The following ZDHHC7 variants were observed in gnomAD, a reference collection of about 807,000 sequenced individuals.
ZDHHC7 encodes palmitoyltransferase ZDHHC7.
In ZDHHC7, 12 loss-of-function variants were observed where a neutral mutation model predicts 34.1. The observed-to-expected ratio is 0.35, with a 90% CI of 0.23 to 0.57. The LOEUF (loss-of-function observed/expected upper bound fraction) is 0.57, where lower values mean the gene tolerates loss of function less well. ZDHHC7 is among the 20% of genes least tolerant of loss of function. ZDHHC7 has a pLI of 0.84. For missense variants in ZDHHC7, 388 were observed against 402.7 expected, an observed-to-expected ratio of 0.96 and a Z score of 0.31; for synonymous variants, 185 against 155.4, an observed-to-expected ratio of 1.19 and a Z score of -1.42.
chr16:84,977,281 T>C, intron 6 of ZDHHC7, 56 bp from the exon 7 acceptor site: 1 of 1,598,546 alleles, frequency 6.3e-7, no homozygotes, highest in Non-Finnish European at 8.5e-7. Flanking sequence ...AGTGGCAGAA[T>C]GTTTGGCTCA....
intron 2 of ZDHHC7, 24 bp downstream of exon 2, chr16:84,995,898 G>C (rs757128197): frequency 6.6e-6 from 1 of 152,168 alleles, no homozygotes; most frequent in Non-Finnish European, 1.5e-5. Flanking sequence ...ACAGTGATTG[G>C]ACCCTAAATA....
At chr16:85,021,745 G>A in the ZDHHC7 span, among the ~76,000 whole-genome samples, 1 of 150,710 alleles carries the variant, frequency 6.6e-6, no homozygotes, top group Non-Finnish European at 1.5e-5. Flanking sequence ...GAGAGAAAGA[G>A]AACAAGAGAG....
chr16:85,003,276 G>A (rs1203428660), intron 1 of ZDHHC7, among the ~76,000 whole-genome samples: 2 of 152,160 alleles, frequency 1.3e-5, no homozygotes, highest in Non-Finnish European at 2.9e-5. Context: ...TGTAAGATCC[G>A]GAGGCAGTGG....
the ZDHHC7 span, among the ~76,000 whole-genome samples, chr16:85,025,215 T>C: frequency 7.1e-3 from 1,070 of 151,444 alleles, 15 homozygotes; most frequent in African/African-American, 0.024. Flanking sequence ...GAGGTGGAGG[T>C]TGCTGAGATT....
At chr16:85,024,235 T>TTG in the ZDHHC7 span, among the ~76,000 whole-genome samples, 5 of 147,354 alleles carry the variant, frequency 3.4e-5, no homozygotes, top group African/African-American at 5.0e-5. Flanking sequence ...TTTTTGTTTT[T>TTG]TTTTTTTTTT....
intron 3 of ZDHHC7, among the ~76,000 whole-genome samples, chr16:84,985,682 C>T (rs1156749904): frequency 2.0e-5 from 3 of 152,112 alleles, no homozygotes; most frequent in South Asian, 2.1e-4. Context: ...AGGCCAGGCA[C>T]GGTGACTCAC....
At chr16:85,006,073 C>T (rs369465721) in intron 1 of ZDHHC7, among the ~76,000 whole-genome samples, 5 of 152,172 alleles carry the variant, frequency 3.3e-5, no homozygotes, top group African/African-American at 1.2e-4. Context: ...CGTTCAAAAT[C>T]ACAGCACAGG....
intron 1 of ZDHHC7, among the ~76,000 whole-genome samples, chr16:84,998,985 C>T (rs1247591127): frequency 1.3e-5 from 2 of 152,100 alleles, no homozygotes; most frequent in Admixed American, 6.5e-5. Context: ...GAACTCCTGA[C>T]CTCAGGTGAT....
At chr16:84,989,966 C>T (rs531385355) in intron 3 of ZDHHC7, among the ~76,000 whole-genome samples, 34 of 152,256 alleles carry the variant, frequency 2.2e-4, no homozygotes, top group African/African-American at 7.2e-4. Flanking sequence ...CTAGAGGTGA[C>T]GGATGGCTGA....
chr16:84,981,951 C>G lies in ZDHHC7; in HGVS notation c.359G>C (p.Ser120Thr), dbSNP rs765454271. 1 of 1,614,202 alleles carries G rather than the reference C, an allele frequency of 6.2e-7. No homozygotes were observed. Among genetic ancestry groups the G allele is most frequent in the East Asian group, 2.2e-5 (1 of 44,884 alleles). The change falls in exon 4 of 8, where the codon AGC (serine) becomes ACC (threonine). Residue 120 changes from serine (S) to threonine (T), a missense_variant. By Grantham distance (58) the Ser-to-Thr change is moderately conservative. Coordinates refer to ENST00000313732, the MANE Select transcript of ZDHHC7 (RefSeq NM_017740.3). Reference sequence around the variant, plus strand: ...GACTTCCCCGGGCTTCAGCTGCAAGCTCTCCATGTATTCTTTCGTAGCGTT... The same window carrying G: ...GACTTCCCCGGGCTTCAGCTGCAAGGTCTCCATGTATTCTTTCGTAGCGTT... ...KGNATKEYMESLQLKPGEVIY... is the reference protein window; with the variant it reads ...KGNATKEYMETLQLKPGEVIY...
chr16:85,013,065 T>C (rs2072814954), upstream of ZDHHC7, among the ~76,000 whole-genome samples: 1 of 152,152 alleles, frequency 6.6e-6, no homozygotes, highest in Non-Finnish European at 1.5e-5. Context: ...AAATTCACCT[T>C]TACTGGACAT....
chr16:84,999,271 T>C (rs1267793313), intron 1 of ZDHHC7, among the ~76,000 whole-genome samples: 1 of 152,164 alleles, frequency 6.6e-6, no homozygotes, highest in Non-Finnish European at 1.5e-5. Context: ...ATTAATTTTA[T>C]AAATTTTAAA....
At chr16:85,012,306 C>T (rs1456816754), upstream of ZDHHC7, among the ~76,000 whole-genome samples, 1 of 151,020 alleles carries the variant, frequency 6.6e-6, no homozygotes, top group Non-Finnish European at 1.5e-5. Context: ...GAATCATGAA[C>T]CCAGGAGGCG....
intron 5 of ZDHHC7, among the ~76,000 whole-genome samples, chr16:84,978,592 G>T (rs973485120): frequency 6.6e-5 from 10 of 152,038 alleles, no homozygotes; most frequent in Admixed American, 2.0e-4. Context: ...GCCGGGCACG[G>T]TGGCTCACGA....
At chr16:85,012,862 G>A (rs1302389387), upstream of ZDHHC7, among the ~76,000 whole-genome samples, 2 of 151,820 alleles carry the variant, frequency 1.3e-5, no homozygotes, top group Non-Finnish European at 2.9e-5. Flanking sequence ...GGCCGAGATC[G>A]CGCCATTGCA....
intron 1 of ZDHHC7, among the ~76,000 whole-genome samples, chr16:85,000,496 A>G (rs538824766): frequency 1.3e-5 from 2 of 152,348 alleles, no homozygotes; most frequent in Non-Finnish European, 2.9e-5. Flanking sequence ...GTGACTACAG[A>G]AAAGAACCAA....
At chr16:85,010,473 G>C (rs2072776081) in intron 1 of ZDHHC7, among the ~76,000 whole-genome samples, 1 of 152,196 alleles carries the variant, frequency 6.6e-6, no homozygotes, top group African/African-American at 2.4e-5. Flanking sequence ...CCTTGGGATA[G>C]TAACAGTAAA....
upstream of ZDHHC7, among the ~76,000 whole-genome samples, chr16:85,011,888 AT>A (rs983697733): frequency 6.6e-6 from 1 of 152,180 alleles, no homozygotes; most frequent in Non-Finnish European, 1.5e-5. Flanking sequence ...ACCGAAGGAA[AT>A]GGGAAAGTAA....
At chr16:85,008,302 G>T (rs929780763) in intron 1 of ZDHHC7, among the ~76,000 whole-genome samples, 4 of 151,914 alleles carry the variant, frequency 2.6e-5, no homozygotes, top group Non-Finnish European at 5.9e-5. Context: ...CCTGCATAAT[G>T]GGGCCTCAAT....
Sources: gnomAD v4.1 joint callset for allele counts (sites outside exome capture counted in the v4.1 genomes callset) on GRCh38, gnomAD v4.1.1 for gene constraint, MANE v1.5 for transcripts, NCBI Gene and HGNC (gene_info 2026-07-23, HGNC 2026-07-21) for gene names.